The following GLRA2 variants were observed in gnomAD, a reference collection of about 807,000 sequenced individuals.
The protein encoded by GLRA2 is glycine receptor subunit alpha-2.
In GLRA2, 11 loss-of-function variants were observed where a neutral mutation model predicts 31.6. The ratio of observed to expected loss-of-function variants is 0.35; its 90% CI spans 0.22 to 0.58. The LOEUF (loss-of-function observed/expected upper bound fraction) is 0.58, where lower values mean the gene tolerates loss of function less well. Ranked by LOEUF, GLRA2 falls within the 20% of genes least tolerant of loss-of-function variation. The probability of loss-of-function intolerance (pLI) is 0.84; values close to 1 mark genes in which losing one functional copy is unlikely to be tolerated. For synonymous variants in GLRA2, 132 were observed against 134.0 expected, an observed-to-expected ratio of 0.99 and a Z score of 0.10; for missense variants, 212 against 351.8, an observed-to-expected ratio of 0.60 and a Z score of 3.18.
intron 7 of GLRA2, among the ~76,000 whole-genome samples, chrX:14,621,661 G>C (rs2090520645): frequency 9.0e-6 from 1 of 111,486 alleles, no homozygotes; most frequent in Admixed American, 9.6e-5. Flanking sequence ...ATGGTTTCCA[G>C]CTTCATCCAT....
the GLRA2 span, among the ~76,000 whole-genome samples, chrX:14,500,534 C>T: frequency 8.9e-6 from 1 of 112,316 alleles, no homozygotes; most frequent in Non-Finnish European, 1.9e-5. Flanking sequence ...TTCAGGTACT[C>T]TTGATGCTTC....
intron 7 of GLRA2, among the ~76,000 whole-genome samples, chrX:14,640,431 T>G (rs1396798762): frequency 8.9e-6 from 1 of 112,083 alleles, no homozygotes; most frequent in Non-Finnish European, 1.9e-5. Context: ...ACACAAAGTC[T>G]TCTTTTCCTT....
At chrX:14,555,259 G>T (rs2089627154) in intron 2 of GLRA2, among the ~76,000 whole-genome samples, 1 of 112,010 alleles carries the variant, frequency 8.9e-6, no homozygotes, top group Admixed American at 9.5e-5. Flanking sequence ...TAACAGAAAA[G>T]AAGTAGCTGA....
At chrX:14,472,781 T>C in the GLRA2 span, among the ~76,000 whole-genome samples, 3 of 111,612 alleles carry the variant, frequency 2.7e-5, no homozygotes, top group Admixed American at 2.9e-4. Flanking sequence ...AGGGAACTGA[T>C]TCATTGTCTG....
At chrX:14,694,549 T>G (rs911040466) in intron 8 of GLRA2, among the ~76,000 whole-genome samples, 7 of 112,092 alleles carry the variant, frequency 6.2e-5, no homozygotes, top group Non-Finnish European at 1.1e-4. Flanking sequence ...TGGATAGTTG[T>G]GGTGTCAAGA....
intron 4 of GLRA2, 143 bp downstream of exon 4, chrX:14,581,549 G>C: frequency 2.2e-6 from 1 of 453,076 alleles, no homozygotes; most frequent in East Asian, 3.7e-5. Context: ...TTGGTGGAGA[G>C]TGTCAGAAGT....
rs1375682825 is a variant in GLRA2, at chrX:14,556,884, C to A, written c.203-17449C>A. On this transcript the variant is annotated intron_variant, in intron 2 of 8. Transcript: ENST00000218075. The stretch of plus-strand genomic sequence containing the variant: ...TTCTTTTATTTAGCACCACAATTTA[C>A]CATCTACTTGTAGGTCATAAGTAGT... Among the ~76,000 whole-genome samples, 3 of 107,197 alleles carry A rather than the reference C, an allele frequency of 2.8e-5. No homozygotes were observed. In the Admixed American group the frequency reaches 2.9e-4, roughly 10 times the overall value. 93.1% of individuals were successfully genotyped at this position (107,197 alleles called of 115,157 possible).
chrX:14,707,749 GC>G (rs2091647331), intron 8 of GLRA2, among the ~76,000 whole-genome samples: 2 of 78,558 alleles, frequency 2.5e-5, no homozygotes, highest in Non-Finnish European at 5.0e-5. Context: ...TACTTTGACA[GC>G]AAAAAAGGTG....
At chrX:14,514,241 G>A in the GLRA2 span, among the ~76,000 whole-genome samples, 1 of 109,113 alleles carries the variant, frequency 9.2e-6, no homozygotes, top group African/African-American at 3.3e-5. Context: ...AGTGGACTTT[G>A]GGGACTCGGG....
At chrX:14,576,639 C>CA (rs113307552) in intron 3 of GLRA2, among the ~76,000 whole-genome samples, 28 of 111,125 alleles carry the variant, frequency 2.5e-4, no homozygotes, top group Admixed American at 4.8e-4. Context: ...TTCATTAATG[C>CA]AAAAAAAAGC....
intron 8 of GLRA2, among the ~76,000 whole-genome samples, chrX:14,691,728 C>T (rs940267243): frequency 8.9e-6 from 1 of 111,837 alleles, no homozygotes; most frequent in Non-Finnish European, 1.9e-5. Context: ...GTTTATAACC[C>T]AATCTCATAG....
Position 14,730,501 on chromosome X carries a change from C to G in GLRA2, c.*16C>G. ...CAAGAAATAGATGTGCCCTACAGAC[C>G]CTGGGACCTTCTTGCCTCAGTGTTG... is the stretch of plus-strand genomic sequence containing the variant. On this transcript the variant is annotated 3_prime_UTR_variant, in exon 9 of 9. Coordinates refer to ENST00000218075, the MANE Select transcript of GLRA2 (RefSeq NM_002063.4). 8.7e-7 allele frequency: 1 copy of G among 1,153,236 alleles called. No individual in the cohort carries two copies. The highest frequency in any genetic ancestry group is 3.1e-5 in the East Asian group (1 of 32,762).
chrX:14,543,879 C>G (rs1327331570), intron 2 of GLRA2, among the ~76,000 whole-genome samples: 1 of 111,431 alleles, frequency 9.0e-6, no homozygotes, highest in Non-Finnish European at 1.9e-5. Context: ...ATCACAGATT[C>G]CTTATCATGA....
At chrX:14,615,741 G>GA (rs1176516261) in intron 7 of GLRA2, among the ~76,000 whole-genome samples, 1 of 111,272 alleles carries the variant, frequency 9.0e-6, no homozygotes, top group Non-Finnish European at 1.9e-5. Flanking sequence ...AGGCTTTCTA[G>GA]AAAAAAATCT....
intron 7 of GLRA2, among the ~76,000 whole-genome samples, chrX:14,641,466 G>T (rs747631982): frequency 9.0e-6 from 1 of 111,022 alleles, no homozygotes; most frequent in African/African-American, 3.3e-5. Context: ...CAGTTTGGTG[G>T]TTCAGATGAG....
intron 2 of GLRA2, among the ~76,000 whole-genome samples, chrX:14,572,900 A>C (rs752322357): frequency 8.9e-6 from 1 of 112,165 alleles, no homozygotes; most frequent in Non-Finnish European, 1.9e-5. Flanking sequence ...AGTAATAAGT[A>C]TCCAAACTAT....
chrX:14,673,001 CAGAGCTG>C (rs1036998148), intron 7 of GLRA2, among the ~76,000 whole-genome samples: 5 of 111,641 alleles, frequency 4.5e-5, no homozygotes, highest in African/African-American at 1.6e-4. Flanking sequence ...CATTAAAGTA[CAGAGCTG>C]ACACTAAATC....
intron 4 of GLRA2, 68 bp from the exon 5 acceptor site, chrX:14,604,247 G>A: frequency 1.6e-6 from 1 of 624,536 alleles, no homozygotes; most frequent in Non-Finnish European, 2.6e-6. Flanking sequence ...AGTGTATTTT[G>A]TTTGTTTCTC....
the GLRA2 span, among the ~76,000 whole-genome samples, chrX:14,517,768 G>T: frequency 9.1e-6 from 1 of 110,161 alleles, no homozygotes; most frequent in South Asian, 3.9e-4. Context: ...GATAAAAACA[G>T]TAAAAACCAT....
Sources: allele counts gnomAD v4.1 joint callset (sites outside exome capture counted in the v4.1 genomes callset), GRCh38; gene constraint gnomAD v4.1.1; transcripts MANE v1.5; gene names NCBI Gene and HGNC (gene_info 2026-07-23, HGNC 2026-07-21).